PCDHA8: variants seen among roughly 807,000 people sequenced by gnomAD.
PCDHA8 encodes protocadherin alpha 8.
PCDHA8 carries 53 observed loss-of-function variants against 61.8 expected under a neutral mutation model. The ratio of observed to expected loss-of-function variants is 0.86; its 90% confidence interval spans 0.69 to 1.08. The LOEUF (loss-of-function observed/expected upper bound fraction) is 1.08. Ranked by LOEUF, PCDHA8 falls within the 50% of genes least tolerant of loss-of-function variation. The pLI, the probability that PCDHA8 is intolerant of heterozygous loss-of-function variation, is 0.00. For missense variants in PCDHA8, 1,293 were observed against 1,245.0 expected (o/e 1.04, Z -0.58); for synonymous variants, 618 against 556.6 (o/e 1.11, Z -1.55).
intron 3 of PCDHA8, among the ~76,000 whole-genome samples, chr5:140,997,836 A>G (rs1335199291): frequency 3.3e-5 from 5 of 152,222 alleles, no homozygotes; most frequent in South Asian, 4.1e-4. Flanking sequence ...AAACAATACA[A>G]TATACATTCT....
intron 1 of PCDHA8, chr5:140,848,946 C>G (rs2150425951): frequency 1.2e-6 from 2 of 1,607,130 alleles, no homozygotes; most frequent in African/African-American, 2.7e-5. Context: ...GCTTGACTCT[C>G]GGTTTCCACT....
In PCDHA8 at chr5:140,842,708, T is replaced by A; in HGVS notation, c.1387T>A (p.Phe463Ile). ...PAFAQPEYTVFVKENNPPGCH... is the reference protein window; with the variant it reads ...PAFAQPEYTVIVKENNPPGCH... ...GTTCGCGCAGCCCGAGTACACGGTGTTCGTGAAGGAGAACAACCCGCCGGG... is the reference window on the plus strand; with the variant it reads ...GTTCGCGCAGCCCGAGTACACGGTGATCGTGAAGGAGAACAACCCGCCGGG... The change falls in exon 1 of 4, where the codon TTC (phenylalanine) becomes ATC (isoleucine). Residue 463 changes from phenylalanine to isoleucine, a missense_variant. Phe to Ile is a conservative substitution (Grantham distance 21). Transcript: ENST00000531613. 1 of 1,595,132 alleles carries A rather than the reference T, an allele frequency of 6.3e-7. No individual in the cohort carries two copies.
chr5:140,859,830 T>C (rs1388131535), intron 1 of PCDHA8: 1 of 152,212 alleles, frequency 6.6e-6, no homozygotes, highest in Non-Finnish European at 1.5e-5. Flanking sequence ...AGAAGTGTAT[T>C]TGTTATTTTA....
At chr5:141,008,704 T>C (rs1485324733) in intron 3 of PCDHA8, among the ~76,000 whole-genome samples, 1 of 152,236 alleles carries the variant, frequency 6.6e-6, no homozygotes, top group East Asian at 1.9e-4. Context: ...AGTTGGTTTC[T>C]AGTTGCTTGA....
At chr5:140,914,030 G>T (rs2076568173) in intron 1 of PCDHA8, among the ~76,000 whole-genome samples, 1 of 152,298 alleles carries the variant, frequency 6.6e-6, no homozygotes, top group East Asian at 1.9e-4. Flanking sequence ...CACGTGCTGA[G>T]AAGAATGTGT....
intron 1 of PCDHA8, among the ~76,000 whole-genome samples, chr5:140,891,255 A>C (rs1313851741): frequency 6.6e-6 from 1 of 151,868 alleles, no homozygotes; most frequent in Non-Finnish European, 1.5e-5. Context: ...GATTTTTTTT[A>C]ATTTTTAATT....
chr5:140,868,148 T>C (rs980442760), intron 1 of PCDHA8: 1 of 152,150 alleles, frequency 6.6e-6, no homozygotes, highest in African/African-American at 2.4e-5. Context: ...ATTGATTCTG[T>C]TACATAAAGT....
chr5:140,842,859 A>G lies in PCDHA8; in HGVS notation c.1538A>G (p.Glu513Gly). ...SLSSYISVHT[E>G]SGKVYALQPL... ...TCGAGCTACATTTCGGTGCACACGG[A>G]GAGCGGCAAGGTGTACGCGCTGCAG... Residue 513 changes from glutamate (E) to glycine (G), a missense_variant, in exon 1 of 4, where the codon GAG becomes GGG. Physicochemically the swap from Glu to Gly is moderately conservative, Grantham distance 98. Coordinates refer to ENST00000531613, the MANE Select transcript of PCDHA8 (RefSeq NM_018911.3). 1 of 1,593,988 alleles carries G rather than the reference A, an allele frequency of 6.3e-7. No homozygotes were observed. The highest frequency in any genetic ancestry group is 1.7e-5 in the Admixed American group (1 of 59,306).
intron 1 of PCDHA8, among the ~76,000 whole-genome samples, chr5:140,878,983 AGAAAT>A (rs2153364854): frequency 6.6e-6 from 1 of 152,352 alleles, no homozygotes; most frequent in Non-Finnish European, 1.5e-5. Flanking sequence ...CCTCTATCTT[AGAAAT>A]GAGAGTATGC....
chr5:140,845,214 TA>T (rs1253125305), intron 1 of PCDHA8, among the ~76,000 whole-genome samples: 2 of 149,518 alleles, frequency 1.3e-5, no homozygotes, highest in South Asian at 2.1e-4. Flanking sequence ...TAAGTCCTTT[TA>T]AAAAATATGA....
intron 1 of PCDHA8, chr5:140,967,346 G>C (rs1332345482): frequency 6.2e-7 from 1 of 1,607,970 alleles, no homozygotes; most frequent in Non-Finnish European, 8.5e-7. Context: ...CGAGCACTTC[G>C]AGCTGGACCT....
intron 1 of PCDHA8, among the ~76,000 whole-genome samples, chr5:140,971,278 ATATTAATATG>A (rs1408088373): frequency 6.6e-6 from 1 of 152,208 alleles, no homozygotes; most frequent in African/African-American, 2.4e-5. Context: ...ACTGACCTGT[ATATTAATATG>A]TACTTTGGTA....
intron 1 of PCDHA8, chr5:140,850,119 G>A: frequency 1.3e-6 from 2 of 1,596,076 alleles, no homozygotes; most frequent in East Asian, 2.2e-5. Flanking sequence ...CGACGCGGGC[G>A]TGCCGCCTCT....
At chr5:140,928,878 G>A (rs1563110550) in intron 1 of PCDHA8, 6 of 1,614,194 alleles carry the variant, frequency 3.7e-6, no homozygotes, top group Non-Finnish European at 4.2e-6. Flanking sequence ...CTGTCCCTCA[G>A]TTACTTCCAG....
At chr5:140,906,265 TATAG>T (rs1455952624) in intron 1 of PCDHA8, among the ~76,000 whole-genome samples, 7 of 152,148 alleles carry the variant, frequency 4.6e-5, no homozygotes, top group African/African-American at 1.2e-4. Context: ...CTCCTGAAAT[TATAG>T]ATAATCTTCA....
chr5:140,926,997 C>T (rs782110120), intron 1 of PCDHA8: 3 of 1,612,104 alleles, frequency 1.9e-6, no homozygotes, highest in Admixed American at 3.3e-5. Context: ...GGGGCGTAGC[C>T]GTAGGCAATC....
In PCDHA8 at chr5:140,869,025, C is replaced by A. The variant is rs1424812323; in HGVS notation, c.2394+25310C>A. 7 of 1,525,592 alleles carry A rather than the reference C, an allele frequency of 4.6e-6. No homozygotes were observed. In the East Asian group the frequency reaches 1.4e-4, roughly 30 times the overall value. The allele number at this position is 1,525,592 out of a possible 1,614,324, so 94.5% of individuals were successfully genotyped here. ...CCTTTGAAACTTCTTAAGAATTCAA[C>A]GAGATTTTTAACCTGAAACTGAAGA... On this transcript the variant is annotated intron_variant, in intron 1 of 3. Transcript: ENST00000531613.
chr5:140,871,329 C>T (rs1164407502), intron 1 of PCDHA8: 3 of 1,614,060 alleles, frequency 1.9e-6, no homozygotes, highest in African/African-American at 2.7e-5. Flanking sequence ...TGTGCTCCCG[C>T]GCGGTGGGGA....
rs200693140 is a variant in PCDHA8, at chr5:140,850,298, G to A, written c.2394+6583G>A. 1.0e-5 allele frequency: 16 copies of A among 1,596,354 alleles called. 2 individuals are homozygous for A. The South Asian group carries it at 1.3e-4, about 13-fold the overall frequency. On this transcript the variant is annotated intron_variant, in intron 1 of 3. Coordinates refer to ENST00000531613, the MANE Select transcript of PCDHA8 (RefSeq NM_018911.3). Reference sequence around the variant, plus strand: ...AGGTGCGCGCAGTGGACGCCGACTCGGGCTACAACGCGTGGCTTTCATACG... The same window carrying A: ...AGGTGCGCGCAGTGGACGCCGACTCAGGCTACAACGCGTGGCTTTCATACG...
Sources: allele counts gnomAD v4.1 joint callset (sites outside exome capture counted in the v4.1 genomes callset), GRCh38; gene constraint gnomAD v4.1.1; transcripts MANE v1.5; gene names NCBI Gene and HGNC (gene_info 2026-07-23, HGNC 2026-07-21).